SPTLC2: variants seen among roughly 807,000 people sequenced by gnomAD.
SPTLC2 encodes the protein serine palmitoyltransferase long chain base subunit 2.
In SPTLC2, 21 loss-of-function variants were observed where a neutral mutation model predicts 62.0. The ratio of observed to expected loss-of-function variants is 0.34; its 90% CI spans 0.24 to 0.49. The LOEUF is 0.49. SPTLC2 is among the 20% of genes least tolerant of loss of function. The probability of loss-of-function intolerance (pLI) is 0.99; values close to 1 mark genes in which losing one functional copy is unlikely to be tolerated. For synonymous variants in SPTLC2, 261 were observed against 261.8 expected (o/e 1.00, Z 0.03); for missense variants, 511 against 713.0 (o/e 0.72, Z 3.23).
intron 9 of SPTLC2, chr14:77,535,576 C>T (rs1393341898): frequency 3.7e-5 from 6 of 163,442 alleles, no homozygotes; most frequent in Non-Finnish European, 6.6e-5. Flanking sequence ...ATTTAGAAGG[C>T]AGACAGAAGT....
intron 9 of SPTLC2, among the ~76,000 whole-genome samples, chr14:77,524,553 T>C (rs2079399922): frequency 6.6e-6 from 1 of 152,202 alleles, no homozygotes; most frequent in Admixed American, 6.5e-5. Flanking sequence ...AAGGGATGTG[T>C]GCACAGCTAT....
chr14:77,603,977 A>G (rs933672366), intron 1 of SPTLC2, among the ~76,000 whole-genome samples: 12 of 152,150 alleles, frequency 7.9e-5, no homozygotes, highest in Non-Finnish European at 1.6e-4. Flanking sequence ...ACACGTTCTG[A>G]GCCTGTAATA....
At chr14:77,530,456 G>A (rs28584952) in intron 9 of SPTLC2, among the ~76,000 whole-genome samples, 2 of 152,092 alleles carry the variant, frequency 1.3e-5, no homozygotes, top group African/African-American at 4.8e-5. Flanking sequence ...AGCCTCCTGA[G>A]TAGCTGGGAT....
rs373444606 is a variant in SPTLC2 at position 77,518,128 on chromosome 14, G to A, written c.1479C>T (p.Val493=). Reference sequence around the variant, plus strand: ...GGGTGGCAGGAAATCCAACCACAACGACACCGATGTTCCGCTTCAGCATCT... The same window carrying A: ...GGGTGGCAGGAAATCCAACCACAACAACACCGATGTTCCGCTTCAGCATCT... ...GREMLKRNIG[V]VVVGFPATPI... The change falls in exon 11 of 12, where the codon GTC becomes GTT. Residue 493 remains valine (V), a synonymous_variant. Transcript: ENST00000216484. The A allele has an allele frequency of 8.1e-6, 13 of 1,613,952 alleles. 1 individual carries two copies. The highest frequency in any genetic ancestry group is 4.5e-5 in the East Asian group (2 of 44,892).
At chr14:77,563,566 C>T (rs1158869569) in intron 5 of SPTLC2, among the ~76,000 whole-genome samples, 1 of 152,162 alleles carries the variant, frequency 6.6e-6, no homozygotes, top group African/African-American at 2.4e-5. Flanking sequence ...GCTGGGATTA[C>T]AGGAGCCCAC....
In SPTLC2 at chr14:77,542,063, G is replaced by GAA. The variant is rs11402118; in HGVS notation, c.1303+10031_1303+10032dup. Among the ~76,000 whole-genome samples, 1,157 of 120,392 alleles carry GAA rather than the reference G, an allele frequency of 9.6e-3. 15 individuals carry two copies. The highest frequency in any genetic ancestry group is 0.031 in the Middle Eastern group (7 of 226). 79.0% of individuals were successfully genotyped at this position (120,392 alleles called of 152,430 possible). On this transcript the variant is annotated intron_variant, in intron 9 of 11. Coordinates refer to ENST00000216484, the MANE Select transcript of SPTLC2 (RefSeq NM_004863.4). ...CAGAGTGAGACAGACTCTGTGTCCG[G>GAA]AAAAAAAAAAAAAAACCAAGAAAAA...
In SPTLC2 at chr14:77,506,397, C is replaced by A. The variant is rs1375977867; in HGVS notation, c.*5887G>T. The A allele has an allele frequency of 6.6e-6, 1 of 152,178 alleles. No homozygotes were observed. The highest frequency in any genetic ancestry group is 1.5e-5 in the Non-Finnish European group (1 of 68,036). 9.4% of individuals were successfully genotyped at this position (152,178 alleles called of 1,614,324 possible). On this transcript the variant is annotated 3_prime_UTR_variant, in exon 12 of 12. Coordinates refer to ENST00000216484, the MANE Select transcript of SPTLC2 (RefSeq NM_004863.4). The stretch of plus-strand genomic sequence containing the variant: ...AATATGGGTCAACGAAGTAAGATCT[C>A]AGCTCTCCCATAAGCTATTGCTCTC...
chr14:77,581,111 T>C (rs76813712), intron 2 of SPTLC2, among the ~76,000 whole-genome samples: 11,728 of 152,224 alleles, frequency 0.077, 597 homozygotes, highest in Admixed American at 0.15. Flanking sequence ...GAAACTACAG[T>C]TTTTACTGTA....
At chr14:77,548,574 C>T (rs1367210149) in intron 9 of SPTLC2, among the ~76,000 whole-genome samples, 2 of 152,156 alleles carry the variant, frequency 1.3e-5, no homozygotes, top group South Asian at 2.1e-4. Flanking sequence ...TTTCCTAGGC[C>T]TCATTTTTTC....
In SPTLC2 at chr14:77,562,497, A is replaced by AGGAACAGAAAGG; in HGVS notation, c.757-9_757-8insCCTTTCTGTTCC. 6.2e-7 allele frequency: 1 copy of AGGAACAGAAAGG among 1,612,736 alleles called. No homozygotes were observed. On this transcript the variant is annotated splice_polypyrimidine_tract_variant and intron_variant, in intron 5 of 11. Transcript: ENST00000216484. ...ACTCAGAATCAGGCAACCCTGCAAC[A>AGGAACAGAAAGG]TCACAGGAACAGAAAGGTAAGAAGC...
At chr14:77,597,417 G>T in intron 1 of SPTLC2, 37 bp from the exon 2 acceptor site, 4 of 1,577,906 alleles carry the variant, frequency 2.5e-6, no homozygotes, top group Non-Finnish European at 3.5e-6. Context: ...TTCCATCATG[G>T]CAAGAAAAAC....
rs1358060178 is a variant in SPTLC2, at chr14:77,531,472, TCCCC to T, written c.1304-9895_1304-9892del. ...CTCCTTCTCCTCCTCCTCCTCCTCC[TCCCC>T]CTCCCCCTCCTCCTCCTCCTCCTCC... On this transcript the variant is annotated intron_variant, in intron 9 of 11. Coordinates refer to ENST00000216484, the MANE Select transcript of SPTLC2 (RefSeq NM_004863.4). Among the ~76,000 whole-genome samples the T allele has an allele frequency of 6.2e-4, 57 of 91,228 alleles. 1 individual carries two copies. Among genetic ancestry groups the T allele is most frequent in the African/African-American group, 2.7e-3 (55 of 20,012 alleles). The allele number at this position is 91,228 out of a possible 152,430, so 59.8% of individuals were successfully genotyped here.
chr14:77,578,687 T>A (rs562223625), intron 3 of SPTLC2: 60 of 362,056 alleles, frequency 1.7e-4, no homozygotes, highest in African/African-American at 1.1e-3. Context: ...GCCACTGCAC[T>A]CCAGCCTGGG....
At chr14:77,587,792 C>T (rs1017211808) in intron 2 of SPTLC2, among the ~76,000 whole-genome samples, 8 of 102,770 alleles carry the variant, frequency 7.8e-5, no homozygotes, top group African/African-American at 2.7e-4. Flanking sequence ...ATAATAATAA[C>T]TAATGCTGTT....
chr14:77,513,254 T>G (rs1161185411), intron 11 of SPTLC2, among the ~76,000 whole-genome samples: 2 of 151,930 alleles, frequency 1.3e-5, no homozygotes. Flanking sequence ...GGCACCAAGT[T>G]ACCCACCCAC....
chr14:77,556,991 T>C (rs574886415), intron 7 of SPTLC2, 50 bp downstream of exon 7: 1 of 1,515,370 alleles, frequency 6.6e-7, no homozygotes, highest in South Asian at 1.1e-5. Flanking sequence ...AAAAATTCTA[T>C]GACTTCATGG....
chr14:77,556,771 T>G (rs980339064), intron 7 of SPTLC2, among the ~76,000 whole-genome samples: 3 of 152,192 alleles, frequency 2.0e-5, no homozygotes, highest in Non-Finnish European at 2.9e-5. Context: ...TTCTTGCCCC[T>G]ACATATAGGT....
At chr14:77,595,106 G>A (rs2079839586) in intron 2 of SPTLC2, among the ~76,000 whole-genome samples, 1 of 152,098 alleles carries the variant, frequency 6.6e-6, no homozygotes, top group African/African-American at 2.4e-5. Flanking sequence ...GCTCGCATCT[G>A]TAATCCCAGC....
chr14:77,562,318 A>G, intron 6 of SPTLC2, 78 bp downstream of exon 6: 1 of 1,215,970 alleles, frequency 8.2e-7, no homozygotes. Context: ...AAGTGCTAAT[A>G]TAACTAATGT....
Sources: allele counts gnomAD v4.1 joint callset (sites outside exome capture counted in the v4.1 genomes callset), GRCh38; gene constraint gnomAD v4.1.1; transcripts MANE v1.5; gene names NCBI Gene and HGNC (gene_info 2026-07-23, HGNC 2026-07-21).